The following SLC25A26 variants were observed in gnomAD, a reference collection of about 807,000 sequenced individuals.
The protein encoded by SLC25A26 is solute carrier family 25 member 26.
Under a neutral mutation model 37.8 loss-of-function variants are expected in SLC25A26, and 36 were observed. The ratio of observed to expected loss-of-function variants is 0.95; its 90% CI spans 0.73 to 1.26. SLC25A26 has a LOEUF of 1.26. Among genes scored for constraint, SLC25A26 ranks in the 50% most tolerant of loss-of-function variants. The probability of loss-of-function intolerance (pLI) is 0.00; values close to 1 mark genes in which losing one functional copy is unlikely to be tolerated. For synonymous variants in SLC25A26, 129 were observed against 122.5 expected (o/e 1.05, Z -0.35); for missense variants, 390 against 331.1 (o/e 1.18, Z -1.38).
chr3:66,241,912 C>CT (rs36194673), intron 2 of SLC25A26, among the ~76,000 whole-genome samples: 9,187 of 144,478 alleles, frequency 0.064, 359 homozygotes, highest in East Asian at 0.2. Flanking sequence ...GAAAGCATAG[C>CT]TTTTTTTTTT....
In SLC25A26 at chr3:66,378,697, A is replaced by AGTAT. The variant is rs1700832616; in HGVS notation, c.*893_*896dup. ...GTTGTCTGCCCTGGAGCAAACAAACAGTATGTGATTTTGCTTCGCCTATTT... is the reference window on the plus strand; with the variant it reads ...GTTGTCTGCCCTGGAGCAAACAAACAGTATGTATGTGATTTTGCTTCGCCTATTT... On this transcript the variant is annotated 3_prime_UTR_variant, in exon 10 of 10. Coordinates refer to ENST00000354883, the MANE Select transcript of SLC25A26 (RefSeq NM_001379210.1). 2 of 152,524 alleles carry AGTAT rather than the reference A, an allele frequency of 1.3e-5. No homozygotes were observed. Among genetic ancestry groups the AGTAT allele is most frequent in the Non-Finnish European group, 2.9e-5 (2 of 68,040 alleles). The allele number at this position is 152,524 out of a possible 1,614,324, so 9.4% of individuals were successfully genotyped here.
chr3:66,299,686 C>T (rs2075015167), intron 5 of SLC25A26, among the ~76,000 whole-genome samples: 1 of 152,082 alleles, frequency 6.6e-6, no homozygotes, highest in African/African-American at 2.4e-5. Context: ...TATAGAGTAA[C>T]AGTTAAATGT....
intron 1 of SLC25A26, among the ~76,000 whole-genome samples, chr3:66,188,771 C>T (rs999522919): frequency 0.13 from 19,992 of 151,640 alleles, 1,721 homozygotes; most frequent in African/African-American, 0.23. Flanking sequence ...ACCCCCACCA[C>T]GATTAACACC....
At chr3:66,242,534 TG>T (rs1307164508) in intron 2 of SLC25A26, among the ~76,000 whole-genome samples, 1 of 152,238 alleles carries the variant, frequency 6.6e-6, no homozygotes, top group Non-Finnish European at 1.5e-5. Context: ...AAGATGAATT[TG>T]TCATTCCTTT....
chr3:66,178,468 T>A (rs1377748082), intron 1 of SLC25A26, among the ~76,000 whole-genome samples: 1 of 152,168 alleles, frequency 6.6e-6, no homozygotes, highest in Non-Finnish European at 1.5e-5. Context: ...CTGACAGACG[T>A]TGTCCCTTGT....
At chr3:66,274,890 C>T (rs2074081985) in intron 5 of SLC25A26, among the ~76,000 whole-genome samples, 1 of 152,054 alleles carries the variant, frequency 6.6e-6, no homozygotes, top group South Asian at 2.1e-4. Flanking sequence ...ACCCAGCCAT[C>T]CCATTACTAG....
At chr3:66,309,397 C>CT (rs1282581027) in intron 5 of SLC25A26, among the ~76,000 whole-genome samples, 1 of 151,902 alleles carries the variant, frequency 6.6e-6, no homozygotes, top group Non-Finnish European at 1.5e-5. Flanking sequence ...TTTGATTCTT[C>CT]TCTCTTCATT....
At chr3:66,336,690 C>T (rs1223019464) in intron 5 of SLC25A26, among the ~76,000 whole-genome samples, 1 of 152,154 alleles carries the variant, frequency 6.6e-6, no homozygotes, top group African/African-American at 2.4e-5. Context: ...TCCTGGATTG[C>T]TTCTTACATA....
At chr3:66,340,281 T>A (rs1267114794) in intron 5 of SLC25A26, among the ~76,000 whole-genome samples, 1 of 152,090 alleles carries the variant, frequency 6.6e-6, no homozygotes, top group Non-Finnish European at 1.5e-5. Context: ...GTATGAGACC[T>A]CCAGCTTTCA....
At chr3:66,252,862 A>G (rs1310145070) in intron 3 of SLC25A26, among the ~76,000 whole-genome samples, 1 of 152,204 alleles carries the variant, frequency 6.6e-6, no homozygotes, top group Non-Finnish European at 1.5e-5. Flanking sequence ...ATTTCTCTGT[A>G]TACTTCCAGG....
Position 66,377,744 on chromosome 3 carries a change from C to A in SLC25A26, c.762C>A (p.Ile254=). The change falls in exon 10 of 10, where the codon ATC becomes ATA. Residue 254 remains isoleucine (I), a synonymous_variant. Transcript: ENST00000354883. ...RMAAISLGGF[I]FLGAYDRTHS... is the part of the protein sequence containing the mutation. ...CAGCCATCAGTCTGGGAGGTTTCAT[C>A]TTTCTGGGGGCTTATGACCGAACGC... 6.2e-7 allele frequency: 1 copy of A among 1,613,934 alleles called. No homozygotes were observed. Among genetic ancestry groups the A allele is most frequent in the South Asian group, 1.1e-5 (1 of 91,076 alleles).
chr3:66,264,313 T>C (rs80228745), intron 5 of SLC25A26, among the ~76,000 whole-genome samples: 1,780 of 152,138 alleles, frequency 0.012, 37 homozygotes, highest in African/African-American at 0.041. Context: ...GGGTAAGATA[T>C]CAAGTTTATT....
chr3:66,213,715 A>G (rs2071319495), intron 1 of SLC25A26, among the ~76,000 whole-genome samples: 1 of 152,098 alleles, frequency 6.6e-6, no homozygotes, highest in Admixed American at 6.5e-5. Context: ...ATATAATAAC[A>G]TGTGTCCACC....
chr3:66,241,315 A>C (rs1393966661), intron 2 of SLC25A26, among the ~76,000 whole-genome samples: 1 of 152,170 alleles, frequency 6.6e-6, no homozygotes, highest in African/African-American at 2.4e-5. Flanking sequence ...AATTCAGACA[A>C]GTTTGAGAAC....
intron 1 of SLC25A26, among the ~76,000 whole-genome samples, chr3:66,159,315 G>T (rs968110064): frequency 1.3e-5 from 2 of 152,196 alleles, no homozygotes; most frequent in East Asian, 3.8e-4. Flanking sequence ...CAACCCTAAT[G>T]AAGAAAGGGG....
In SLC25A26 at chr3:66,320,853, T is replaced by C. The variant is rs1328108751; in HGVS notation, c.454-25511T>C. Among the ~76,000 whole-genome samples, 4 of 152,348 alleles carry C rather than the reference T, an allele frequency of 2.6e-5. No homozygotes were observed. The East Asian group carries it at 7.7e-4, about 29-fold the overall frequency. On this transcript the variant is annotated intron_variant, in intron 5 of 9. Transcript: ENST00000354883. ...AATTTGTTTATGAAATATTTAAACTTTGGTTAAAAGTGCCCTGAGTTCAAC... is the reference window on the plus strand; with the variant it reads ...AATTTGTTTATGAAATATTTAAACTCTGGTTAAAAGTGCCCTGAGTTCAAC...
At chr3:66,221,948 G>T (rs1438247653) in intron 1 of SLC25A26, among the ~76,000 whole-genome samples, 1 of 151,926 alleles carries the variant, frequency 6.6e-6, no homozygotes, top group African/African-American at 2.4e-5. Flanking sequence ...GGTGTTGCAG[G>T]TGTTGAGGAT....
chr3:66,269,212 A>G (rs1348110808), intron 5 of SLC25A26, among the ~76,000 whole-genome samples: 1 of 152,202 alleles, frequency 6.6e-6, no homozygotes, highest in African/African-American at 2.4e-5. Flanking sequence ...ATAGCCTGCT[A>G]GGAGATTCGG....
At chr3:66,217,364 A>G (rs994532875), upstream of SLC25A26, among the ~76,000 whole-genome samples, 1 of 152,240 alleles carries the variant, frequency 6.6e-6, no homozygotes, top group Admixed American at 6.5e-5. Flanking sequence ...ATGCACCTTG[A>G]TAACTTATCA....
Sources: allele counts gnomAD v4.1 joint callset (sites outside exome capture counted in the v4.1 genomes callset), GRCh38; gene constraint gnomAD v4.1.1; transcripts MANE v1.5; gene names NCBI Gene and HGNC (gene_info 2026-07-23, HGNC 2026-07-21).